HIVEP1: variants seen among roughly 807,000 people sequenced by gnomAD.
HIVEP1 encodes the protein zinc finger protein 40.
In HIVEP1, 36 loss-of-function variants were observed where a neutral mutation model predicts 180.0. The observed-to-expected ratio is 0.20, with a 90% confidence interval of 0.15 to 0.26. The LOEUF (loss-of-function observed/expected upper bound fraction) is 0.26, where lower values mean the gene tolerates loss of function less well. HIVEP1 is among the 10% of genes least tolerant of loss of function. The pLI is 1.00. For synonymous variants in HIVEP1, 1,239 were observed against 1,239.0 expected, an observed-to-expected ratio of 1.00 and a Z score of 0.00; for missense variants, 3,143 against 3,268.7, an observed-to-expected ratio of 0.96 and a Z score of 0.94.
chr6:12,018,312 G>C (rs1001744762), intron 2 of HIVEP1, among the ~76,000 whole-genome samples: 1 of 152,208 alleles, frequency 6.6e-6, no homozygotes, highest in African/African-American at 2.4e-5. Context: ...TCTGGCCTGG[G>C]CCATCCCAGG....
At chr6:12,131,807 T>TAAA (rs1758436421) in intron 6 of HIVEP1, among the ~76,000 whole-genome samples, 4 of 103,964 alleles carry the variant, frequency 3.8e-5, no homozygotes, top group Admixed American at 2.9e-4. Context: ...AAAAAAAAAT[T>TAAA]AATTGATTTT....
At chr6:12,102,935 C>T (rs1774198343) in intron 3 of HIVEP1, among the ~76,000 whole-genome samples, 1 of 151,722 alleles carries the variant, frequency 6.6e-6, no homozygotes, top group African/African-American at 2.4e-5. Flanking sequence ...AGTGTTCAGT[C>T]TACTTTAAAT....
the HIVEP1 span, among the ~76,000 whole-genome samples, chr6:12,192,628 C>A: frequency 0.38 from 57,080 of 151,932 alleles, 11,550 homozygotes; most frequent in East Asian, 0.54. Context: ...TCTTTGCTCT[C>A]TCTTCTGCCG....
the HIVEP1 span, among the ~76,000 whole-genome samples, chr6:12,172,437 C>T: frequency 6.6e-6 from 1 of 151,410 alleles, no homozygotes; most frequent in Non-Finnish European, 1.5e-5. Flanking sequence ...GACCATAAAT[C>T]TCATTCTGAA....
chr6:12,188,217 A>G, the HIVEP1 span, among the ~76,000 whole-genome samples: 1 of 152,238 alleles, frequency 6.6e-6, no homozygotes, highest in African/African-American at 2.4e-5. Context: ...TGGGGTTCAT[A>G]CCAGTGATGC....
intron 7 of HIVEP1, 60 bp from the exon 8 acceptor site, chr6:12,161,377 TAA>T: frequency 2.0e-6 from 3 of 1,508,964 alleles, no homozygotes; most frequent in Non-Finnish European, 2.7e-6. Flanking sequence ...AAAAAATTTT[TAA>T]AATAGCACTT....
intron 7 of HIVEP1, among the ~76,000 whole-genome samples, chr6:12,142,843 C>G (rs978646225): frequency 3.9e-4 from 59 of 152,044 alleles, no homozygotes; most frequent in Non-Finnish European, 6.8e-4. Flanking sequence ...GGAAGAAGTT[C>G]AATCTCTGAA....
intron 7 of HIVEP1, among the ~76,000 whole-genome samples, chr6:12,152,751 C>T (rs985388401): frequency 2.0e-5 from 3 of 152,150 alleles, no homozygotes; most frequent in Non-Finnish European, 4.4e-5. Context: ...GGAATCCCAG[C>T]CCCTCCTACA....
chr6:12,165,063 G>A (rs772520460), downstream of HIVEP1: 15 of 485,606 alleles, frequency 3.1e-5, no homozygotes, highest in Non-Finnish European at 5.7e-5. Context: ...TTGGAAAATA[G>A]CCCTGGGTTC....
At chr6:12,026,390 A>G (rs1398580189) in intron 2 of HIVEP1, among the ~76,000 whole-genome samples, 1 of 152,206 alleles carries the variant, frequency 6.6e-6, no homozygotes. Flanking sequence ...GTTTTTAAAG[A>G]CAGGAAGGAT....
At chr6:12,150,295 A>G (rs937376082) in intron 7 of HIVEP1, among the ~76,000 whole-genome samples, 2 of 152,286 alleles carry the variant, frequency 1.3e-5, no homozygotes, top group Admixed American at 1.3e-4. Context: ...TTTGCTTTTC[A>G]TCCTTTGATC....
intron 3 of HIVEP1, among the ~76,000 whole-genome samples, chr6:12,091,439 C>T (rs374613650): frequency 1.3e-5 from 2 of 151,952 alleles, no homozygotes; most frequent in East Asian, 3.9e-4. Flanking sequence ...GCTCTTTCTC[C>T]CTTTCTCTCT....
At chr6:12,144,635 G>T (rs1759254241) in intron 7 of HIVEP1, among the ~76,000 whole-genome samples, 1 of 152,098 alleles carries the variant, frequency 6.6e-6, no homozygotes, top group Non-Finnish European at 1.5e-5. Context: ...CTGACAAAGG[G>T]CTAATATCCA....
chr6:12,102,300 G>A lies in HIVEP1; in HGVS notation c.94+13063G>A, dbSNP rs560473981. 4.6e-5 allele frequency among the ~76,000 whole-genome samples: 7 copies of A among 152,204 alleles called. No homozygotes were observed. In the East Asian group the frequency reaches 1.2e-3, roughly 25 times the overall value. On this transcript the variant is annotated intron_variant, in intron 3 of 8. Transcript: ENST00000379388. ...ACAACAGAATACACATTATTCTCCA[G>A]TATACATGGAATATTCTTCAGGATA...
chr6:12,195,177 T>C, the HIVEP1 span, among the ~76,000 whole-genome samples: 1 of 152,360 alleles, frequency 6.6e-6, no homozygotes. Context: ...TTGATAGGCT[T>C]TGGCACTTGA....
chr6:12,033,666 A>G (rs1769100801), intron 2 of HIVEP1, among the ~76,000 whole-genome samples: 2 of 152,174 alleles, frequency 1.3e-5, no homozygotes, highest in Non-Finnish European at 2.9e-5. Flanking sequence ...CTATATTTTC[A>G]TAGAGTTTTT....
At chr6:12,078,500 G>A (rs752451680) in intron 2 of HIVEP1, among the ~76,000 whole-genome samples, 3 of 151,810 alleles carry the variant, frequency 2.0e-5, no homozygotes, top group Non-Finnish European at 2.9e-5. Context: ...CCAGGAAGGG[G>A]AGCGGCTCGG....
At chr6:12,074,702 AT>A (rs376294102) in intron 2 of HIVEP1, among the ~76,000 whole-genome samples, 23,467 of 146,634 alleles carry the variant, frequency 0.16, 2,395 homozygotes, top group Non-Finnish European at 0.24. Flanking sequence ...TGGTCATGAG[AT>A]TTTTTTTTTT....
At chr6:12,188,517 A>C in the HIVEP1 span, among the ~76,000 whole-genome samples, 1 of 152,178 alleles carries the variant, frequency 6.6e-6, no homozygotes, top group African/African-American at 2.4e-5. Flanking sequence ...TACACATGAA[A>C]AACATAAAAA....
Sources: allele counts gnomAD v4.1 joint callset (sites outside exome capture counted in the v4.1 genomes callset), GRCh38; gene constraint gnomAD v4.1.1; transcripts MANE v1.5; gene names NCBI Gene and HGNC (gene_info 2026-07-23, HGNC 2026-07-21).